Variants in WDFY4 observed in about 807,000 individuals in gnomAD.
The protein encoded by WDFY4 is WD repeat- and FYVE domain-containing protein 4.
WDFY4 carries 169 observed loss-of-function variants against 351.9 expected under a neutral mutation model. The observed-to-expected ratio is 0.48, with a 90% CI of 0.42 to 0.55. The LOEUF is 0.55. WDFY4 is among the 20% of genes least tolerant of loss of function. The probability of loss-of-function intolerance (pLI) is 0.00; values close to 1 mark genes in which losing one functional copy is unlikely to be tolerated. For missense variants in WDFY4, 3,803 were observed against 3,935.6 expected (o/e 0.97, Z 0.90); for synonymous variants, 1,622 against 1,574.6 (o/e 1.03, Z -0.71).
chr10:48,724,826 A>G (rs527945869), intron 5 of WDFY4, among the ~76,000 whole-genome samples: 1 of 152,296 alleles, frequency 6.6e-6, no homozygotes, highest in East Asian at 1.9e-4. Flanking sequence ...TAGCAATTAA[A>G]AAAATAGAGA....
intron 47 of WDFY4, among the ~76,000 whole-genome samples, chr10:48,919,186 A>G (rs1358317387): frequency 1.3e-5 from 2 of 152,226 alleles, no homozygotes; most frequent in Non-Finnish European, 2.9e-5. Context: ...TAAAAAAAAA[A>G]GAAAGAGAAG....
intron 47 of WDFY4, among the ~76,000 whole-genome samples, chr10:48,902,691 A>G (rs1372750522): frequency 1.3e-5 from 2 of 152,034 alleles, no homozygotes; most frequent in African/African-American, 4.8e-5. Context: ...ACCAATATAA[A>G]TGAGTGAACT....
At chr10:48,783,428 A>G (rs1263060604) in intron 19 of WDFY4, among the ~76,000 whole-genome samples, 1 of 151,754 alleles carries the variant, frequency 6.6e-6, no homozygotes, top group Non-Finnish European at 1.5e-5. Context: ...AGGATATGGA[A>G]CCCCCAGATA....
chr10:48,934,326 C>T (rs986761158), intron 47 of WDFY4, among the ~76,000 whole-genome samples: 1 of 152,182 alleles, frequency 6.6e-6, no homozygotes, highest in Non-Finnish European at 1.5e-5. Flanking sequence ...TTCTGTGGAC[C>T]ACCCACTATA....
chr10:48,972,711 CGAG>C (rs1186434810), intron 57 of WDFY4, among the ~76,000 whole-genome samples: 3 of 152,116 alleles, frequency 2.0e-5, no homozygotes, highest in Admixed American at 2.0e-4. Context: ...CGATAAACTT[CGAG>C]GAGGAGAATT....
At chr10:48,764,919 C>T (rs2065620883) in intron 13 of WDFY4, among the ~76,000 whole-genome samples, 1 of 152,176 alleles carries the variant, frequency 6.6e-6, no homozygotes, top group African/African-American at 2.4e-5. Context: ...GGGAAAGACT[C>T]AGAGAGGTGG....
At chr10:48,742,012 C>T (rs7087831) in intron 11 of WDFY4, among the ~76,000 whole-genome samples, 15,297 of 152,216 alleles carry the variant, frequency 0.1, 856 homozygotes, top group Middle Eastern at 0.18. Context: ...TTCGATGAAG[C>T]ACAGTATGAG....
At chr10:48,833,168 T>TGCGA (rs1364445874) in intron 39 of WDFY4, among the ~76,000 whole-genome samples, 4 of 106,804 alleles carry the variant, frequency 3.7e-5, no homozygotes, top group Non-Finnish European at 8.3e-5. Context: ...TGTGTGTGTG[T>TGCGA]GTGTGAGAGA....
rs79209155 is a variant in WDFY4, at chr10:48,781,703, C to T, written c.3576+1584C>T. Among the ~76,000 whole-genome samples, 802 of 152,328 alleles carry T rather than the reference C, an allele frequency of 5.3e-3. 11 individuals carry two copies. Among genetic ancestry groups the T allele is most frequent in the African/African-American group, 0.018 (752 of 41,574 alleles). On this transcript the variant is annotated intron_variant, in intron 19 of 61. Transcript: ENST00000325239. ...CAGTCCTCCCTCCTTCCCTTTCTCT[C>T]TTTCTTCTTTTCCTCATTAAATATT... is the stretch of plus-strand genomic sequence containing the variant.
chr10:48,834,937 T>C (rs1401094973), intron 39 of WDFY4, among the ~76,000 whole-genome samples: 1 of 152,230 alleles, frequency 6.6e-6, no homozygotes. Flanking sequence ...GTGTCCCAAG[T>C]GGCTTTTAAC....
intron 47 of WDFY4, among the ~76,000 whole-genome samples, chr10:48,926,612 G>A (rs1359490426): frequency 2.0e-5 from 3 of 152,140 alleles, no homozygotes; most frequent in African/African-American, 7.2e-5. Context: ...CCCATTGTCT[G>A]CTCACTCCAC....
chr10:48,840,228 C>A (rs1450048938), intron 39 of WDFY4, among the ~76,000 whole-genome samples: 1 of 152,144 alleles, frequency 6.6e-6, no homozygotes, highest in African/African-American at 2.4e-5. Context: ...GTGCTTCCTA[C>A]GCCACACCCA....
At chr10:48,950,809 A>G (rs1841286452) in intron 51 of WDFY4, among the ~76,000 whole-genome samples, 1 of 152,192 alleles carries the variant, frequency 6.6e-6, no homozygotes, top group Admixed American at 6.5e-5. Context: ...GTAGGCAGTC[A>G]CCCGGTACTG....
Position 48,895,136 on chromosome 10 carries a change from C to T in WDFY4, c.7317-2318C>T, listed in dbSNP as rs192086383. On this transcript the variant is annotated intron_variant, in intron 44 of 61. Coordinates refer to ENST00000325239, the MANE Select transcript of WDFY4 (RefSeq NM_001394531.1). ...TGTTCAGGGGCCTAAGCAAGGGGCT[C>T]AGGCTGTGTCTCACTTGGGCAGGCT... 2.2e-3 allele frequency among the ~76,000 whole-genome samples: 328 copies of T among 152,318 alleles called. 2 individuals are homozygous for T. Among genetic ancestry groups the T allele is most frequent in the African/African-American group, 7.7e-3 (318 of 41,568 alleles).
chr10:48,915,915 C>A (rs927878820), intron 47 of WDFY4, among the ~76,000 whole-genome samples: 1 of 152,196 alleles, frequency 6.6e-6, no homozygotes, highest in African/African-American at 2.4e-5. Context: ...AGAGCCAGCA[C>A]CATGTTCACC....
intron 12 of WDFY4, among the ~76,000 whole-genome samples, chr10:48,750,735 G>A (rs1452474312): frequency 4.6e-5 from 7 of 152,244 alleles, no homozygotes; most frequent in Non-Finnish European, 8.8e-5. Context: ...AAGGACATCA[G>A]CCACTTAAGT....
At position 48,804,271 on chromosome 10, in the gene WDFY4, T is replaced by C. The variant is rs114704944; in HGVS notation, c.4484+912T>C. Among the ~76,000 whole-genome samples the C allele has an allele frequency of 5.0e-3, 765 of 152,336 alleles. 4 individuals are homozygous for C. Among genetic ancestry groups the C allele is most frequent in the African/African-American group, 0.018 (728 of 41,566 alleles). On this transcript the variant is annotated intron_variant, in intron 25 of 61. Coordinates refer to ENST00000325239, the MANE Select transcript of WDFY4 (RefSeq NM_001394531.1). ...AATGTATTTGTAAATGGCTTTCCAC[T>C]CATCCACTTAATGAACATCTATTAT...
chr10:48,917,687 A>AAAATAAGT (rs1838677609), intron 47 of WDFY4, among the ~76,000 whole-genome samples: 1 of 152,234 alleles, frequency 6.6e-6, no homozygotes, highest in Non-Finnish European at 1.5e-5. Context: ...AGATGAGTGA[A>AAAATAAGT]AAATAAGTTT....
At chr10:48,807,649 A>G (rs1220474161) in intron 27 of WDFY4, among the ~76,000 whole-genome samples, 1 of 152,256 alleles carries the variant, frequency 6.6e-6, no homozygotes, top group East Asian at 1.9e-4. Context: ...AGCATTGCAG[A>G]CATTGCTAAT....
Sources: allele counts gnomAD v4.1 joint callset (sites outside exome capture counted in the v4.1 genomes callset), GRCh38; gene constraint gnomAD v4.1.1; transcripts MANE v1.5; gene names NCBI Gene and HGNC (gene_info 2026-07-23, HGNC 2026-07-21).